The following GOLGA3 variants were observed in gnomAD, a reference collection of about 807,000 sequenced individuals.
The protein encoded by GOLGA3 is golgin A3.
A neutral mutation model predicts 169.4 loss-of-function variants in GOLGA3; 75 were observed. The observed-to-expected ratio is 0.44, with a 90% CI of 0.37 to 0.54. GOLGA3 has a LOEUF of 0.54. Ranked by LOEUF, GOLGA3 falls within the 20% of genes least tolerant of loss-of-function variation. GOLGA3 has a pLI of 0.00. For missense variants in GOLGA3, 1,899 were observed against 1,930.0 expected (o/e 0.98, Z 0.30); for synonymous variants, 824 against 822.4 (o/e 1.00, Z -0.03).
intron 17 of GOLGA3, 41 bp from the exon 18 acceptor site, chr12:132,780,955 A>G (rs1246351890): frequency 1.4e-6 from 2 of 1,441,004 alleles, no homozygotes; most frequent in South Asian, 2.3e-5. Context: ...AAGGACGTCG[A>G]ATTACAAACA....
rs202228458 is a variant in GOLGA3, at chr12:132,822,062, G to A, written c.67C>T (p.Leu23Phe). ...EDRSHSGPSS[L>F]PEAPLKPPGP... Reference sequence around the variant, plus strand: ...GGGGGCTTCAGTGGGGCCTCGGGGAGAGACGAGGGGCCACTGTGGGATCTG... The same window carrying A: ...GGGGGCTTCAGTGGGGCCTCGGGGAAAGACGAGGGGCCACTGTGGGATCTG... The change falls in exon 2 of 24, where the codon CTC becomes TTC. Residue 23 changes from leucine (L) to phenylalanine (F), a missense_variant. Coordinates refer to ENST00000450791, the MANE Select transcript of GOLGA3 (RefSeq NM_001389683.1). 3 of 1,606,078 alleles carry A rather than the reference G, an allele frequency of 1.9e-6. No individual in the cohort carries two copies. The highest frequency in any genetic ancestry group is 2.5e-6 in the Non-Finnish European group (3 of 1,177,160).
chr12:132,786,291 C>A (rs368967223), intron 15 of GOLGA3, 48 bp downstream of exon 15: 70 of 1,314,160 alleles, frequency 5.3e-5, no homozygotes, highest in Non-Finnish European at 7.3e-5. Context: ...CCCTTCCCTG[C>A]ACTGAGGGGC....
rs2044983462 is a variant in GOLGA3 at position 132,773,059 on chromosome 12, T to C, written c.*46A>G. On this transcript the variant is annotated 3_prime_UTR_variant, in exon 24 of 24. Transcript: ENST00000450791. The stretch of plus-strand genomic sequence containing the variant: ...CACACAATCAAATAAATAACATTGA[T>C]AAGAGCCTTCTGGGGCAGCGGCGCA... 1.5e-6 allele frequency: 2 copies of C among 1,298,736 alleles called. No homozygotes were observed. The highest frequency in any genetic ancestry group is 2.1e-6 in the Non-Finnish European group (2 of 953,074). 80.5% of individuals were successfully genotyped at this position (1,298,736 alleles called of 1,614,324 possible).
At chr12:132,784,621 TAATA>T (rs1235470904) in intron 15 of GOLGA3, among the ~76,000 whole-genome samples, 1 of 152,182 alleles carries the variant, frequency 6.6e-6, no homozygotes, top group Non-Finnish European at 1.5e-5. Context: ...GCACCAGTTG[TAATA>T]AATACCACAC....
rs577792736 is a variant in GOLGA3 at position 132,771,691 on chromosome 12, C to T, written c.*1414G>A. ...GGACTTCTCGATGACTGCAGAAGTA[C>T]AGGTGCTCCTACACACGAGTACAGG... On this transcript the variant is annotated 3_prime_UTR_variant, in exon 24 of 24. Coordinates refer to ENST00000450791, the MANE Select transcript of GOLGA3 (RefSeq NM_001389683.1). 6.6e-6 allele frequency: 1 copy of T among 152,246 alleles called. No homozygotes were observed. The highest frequency in any genetic ancestry group is 1.9e-4 in the East Asian group (1 of 5,188). The allele number at this position is 152,246 out of a possible 1,614,324, so 9.4% of individuals were successfully genotyped here. A position where few individuals can be genotyped will look rare whatever the true frequency, so the allele number is the denominator to read the frequency against.
chr12:132,821,092 A>C (rs1950186724), intron 2 of GOLGA3, among the ~76,000 whole-genome samples: 1 of 76,120 alleles, frequency 1.3e-5, no homozygotes, highest in African/African-American at 5.8e-5. Flanking sequence ...AGAACAGGAC[A>C]CCGTCTCAAA....
At chr12:132,790,313 T>C (rs550921698) in intron 12 of GOLGA3, among the ~76,000 whole-genome samples, 1 of 151,902 alleles carries the variant, frequency 6.6e-6, no homozygotes, top group Non-Finnish European at 1.5e-5. Context: ...CAGCCTGGGG[T>C]ACAGAGCGAG....
chr12:132,825,964 C>A, intron 1 of GOLGA3: 2 of 978,258 alleles, frequency 2.0e-6, no homozygotes, highest in South Asian at 2.6e-5. Context: ...CCACTGTCAT[C>A]CGCCGAGACT....
At chr12:132,776,921 G>A in intron 20 of GOLGA3, 37 bp downstream of exon 20, 1 of 1,556,232 alleles carries the variant, frequency 6.4e-7, no homozygotes, top group Non-Finnish European at 8.7e-7. Flanking sequence ...GCACCCGTGA[G>A]TCCAGCCCTG....
intron 15 of GOLGA3, among the ~76,000 whole-genome samples, chr12:132,784,892 A>G (rs1188838072): frequency 6.6e-6 from 1 of 152,116 alleles, no homozygotes; most frequent in Non-Finnish European, 1.5e-5. Flanking sequence ...CACGCTGCAC[A>G]CACACATGCT....
intron 23 of GOLGA3, 152 bp from the exon 24 acceptor site, chr12:132,773,446 C>A: frequency 2.3e-6 from 1 of 437,096 alleles, no homozygotes. Flanking sequence ...CTCAGCTGTT[C>A]TCAGCACCGT....
chr12:132,816,487 G>A (rs1018795077), intron 3 of GOLGA3, 53 bp downstream of exon 3: 16 of 1,574,188 alleles, frequency 1.0e-5, no homozygotes, highest in African/African-American at 1.3e-5. Context: ...GCTCCCAAGG[G>A]GCTGAGCGAC....
At chr12:132,809,124 C>T (rs532145653) in intron 4 of GOLGA3, among the ~76,000 whole-genome samples, 121 of 152,298 alleles carry the variant, frequency 7.9e-4, no homozygotes, top group African/African-American at 2.7e-3. Context: ...GGGGCCCTTC[C>T]CTGCCTGGCA....
chr12:132,787,618 C>CCGGGACCCCTCCCCGGAGACCA lies in GOLGA3; in HGVS notation c.2812-853_2812-832dup, dbSNP rs1566087692. On this transcript the variant is annotated intron_variant, in intron 13 of 23. Coordinates refer to ENST00000450791, the MANE Select transcript of GOLGA3 (RefSeq NM_001389683.1). ...CCCCTGGGACCCTTCCCCGGAGACC[C>CCGGGACCCCTCCCCGGAGACCA]CGGGACCCCTCCCCGGAGACCACGG... 3.1e-4 allele frequency among the ~76,000 whole-genome samples: 36 copies of CCGGGACCCCTCCCCGGAGACCA among 114,900 alleles called. 6 individuals are homozygous for CCGGGACCCCTCCCCGGAGACCA. The highest frequency in any genetic ancestry group is 1.1e-3 in the African/African-American group (35 of 31,486). The allele number at this position is 114,900 out of a possible 152,430, so 75.4% of individuals were successfully genotyped here.
At chr12:132,810,015 C>T (rs1185154935) in intron 4 of GOLGA3, among the ~76,000 whole-genome samples, 2 of 152,024 alleles carry the variant, frequency 1.3e-5, no homozygotes, top group African/African-American at 2.4e-5. Flanking sequence ...GAGGCTGAGG[C>T]GGGCAGATCA....
Position 132,782,308 on chromosome 12 carries a change from C to T in GOLGA3, c.3453G>A (p.Gln1151=), listed in dbSNP as rs780037916. ...ALAKREADLV[Q]LNLQVQAVLQ... is the part of the protein sequence containing the mutation. ...CGAGTTTGAATACCTGAAGGTTCAA[C>T]TGGACTAGGTCTGCCTCCCTCTTGG... The change falls in exon 17 of 24, where the codon CAG becomes CAA. Residue 1151 remains glutamine (Q), a synonymous_variant. Coordinates refer to ENST00000450791, the MANE Select transcript of GOLGA3 (RefSeq NM_001389683.1). 1 of 1,613,854 alleles carries T rather than the reference C, an allele frequency of 6.2e-7. No individual in the cohort carries two copies. Among genetic ancestry groups the T allele is most frequent in the Non-Finnish European group, 8.5e-7 (1 of 1,179,880 alleles).
intron 20 of GOLGA3, 62 bp from the exon 21 acceptor site, chr12:132,776,818 T>C (rs925063518): frequency 1.9e-6 from 3 of 1,587,558 alleles, no homozygotes; most frequent in Non-Finnish European, 2.6e-6. Flanking sequence ...CCCTGGAAAA[T>C]GGCTCTAGCT....
intron 1 of GOLGA3, among the ~76,000 whole-genome samples, chr12:132,822,985 T>C (rs1950278753): frequency 6.6e-6 from 1 of 152,240 alleles, no homozygotes; most frequent in African/African-American, 2.4e-5. Flanking sequence ...TGAGTGACTC[T>C]GCCCAAGGCC....
In GOLGA3 at chr12:132,773,251, G is replaced by T; in HGVS notation, c.4351C>A (p.Leu1451Met). ...SLQRQMEEHA[L>M]TVHESLSSWT... ...GAGGACAGAGACTCGTGCACCGTCA[G>T]GGCGTGCTCCTCCATCTGGCGCTGC... Residue 1451 changes from leucine (L) to methionine (M), a missense_variant, in exon 24 of 24, where the codon CTG (leucine) becomes ATG (methionine). By Grantham distance (15) the Leu-to-Met change is conservative. Transcript: ENST00000450791. 1 of 1,507,684 alleles carries T rather than the reference G, an allele frequency of 6.6e-7. No homozygotes were observed. Among genetic ancestry groups the T allele is most frequent in the Non-Finnish European group, 8.9e-7 (1 of 1,120,594 alleles). The allele number at this position is 1,507,684 out of a possible 1,614,324, so 93.4% of individuals were successfully genotyped here.
Sources: gnomAD v4.1 joint callset for allele counts (sites outside exome capture counted in the v4.1 genomes callset) on GRCh38, gnomAD v4.1.1 for gene constraint, MANE v1.5 for transcripts, NCBI Gene and HGNC (gene_info 2026-07-23, HGNC 2026-07-21) for gene names.